Variants in C10orf90 observed in about 807,000 individuals in gnomAD.
C10orf90 encodes the protein chromosome 10 open reading frame 90, also known as (E2-independent) E3 ubiquitin-conjugating enzyme FATS.
A neutral mutation model predicts 62.5 loss-of-function variants in C10orf90; 56 were observed. The observed-to-expected ratio is 0.90, with a 90% CI of 0.72 to 1.12. The LOEUF (loss-of-function observed/expected upper bound fraction) is 1.12. Among genes scored for constraint, C10orf90 ranks in the 50% most tolerant of loss-of-function variants. C10orf90 has a pLI of 0.00. For synonymous variants in C10orf90, 386 were observed against 340.4 expected, an observed-to-expected ratio of 1.13 and a Z score of -1.47; for missense variants, 970 against 880.4, an observed-to-expected ratio of 1.10 and a Z score of -1.29.
intron 2 of C10orf90, among the ~76,000 whole-genome samples, chr10:126,586,345 A>G (rs1844869514): frequency 6.6e-6 from 1 of 152,194 alleles, no homozygotes; most frequent in Admixed American, 6.5e-5. Context: ...CTGGAAACCC[A>G]TGGCTTTAAT....
intron 2 of C10orf90, among the ~76,000 whole-genome samples, chr10:126,523,744 C>A (rs532372182): frequency 6.6e-6 from 1 of 152,190 alleles, no homozygotes; most frequent in South Asian, 2.1e-4. Flanking sequence ...TCCCACCTTC[C>A]CCCAGCCCCT....
At chr10:126,510,401 T>C (rs1863032592) in intron 3 of C10orf90, among the ~76,000 whole-genome samples, 1 of 152,224 alleles carries the variant, frequency 6.6e-6, no homozygotes. Context: ...ACACCAAATA[T>C]CTTCTCAAAT....
chr10:126,480,946 C>A (rs1861131912), intron 4 of C10orf90, among the ~76,000 whole-genome samples: 1 of 152,120 alleles, frequency 6.6e-6, no homozygotes, highest in African/African-American at 2.4e-5. Context: ...AAATCGCAAA[C>A]TCCTCCTGGT....
chr10:126,549,332 C>T (rs1315729772), intron 2 of C10orf90, among the ~76,000 whole-genome samples: 1 of 151,926 alleles, frequency 6.6e-6, no homozygotes, highest in African/African-American at 2.4e-5. Context: ...ACAAACAGCC[C>T]AATTAGAAAA....
intron 2 of C10orf90, among the ~76,000 whole-genome samples, chr10:126,548,768 A>C (rs1222611740): frequency 7.3e-6 from 1 of 137,718 alleles, no homozygotes; most frequent in Non-Finnish European, 1.6e-5. Flanking sequence ...TTTGAGACGG[A>C]GTCTCACTCT....
chr10:126,459,525 C>T (rs1417308545), intron 6 of C10orf90, among the ~76,000 whole-genome samples: 2 of 152,198 alleles, frequency 1.3e-5, no homozygotes, highest in African/African-American at 4.8e-5. Context: ...TTCTACCCTG[C>T]TGAGTCATTT....
intron 2 of C10orf90, among the ~76,000 whole-genome samples, chr10:126,577,367 AT>A (rs1167800109): frequency 1.3e-5 from 2 of 151,970 alleles, no homozygotes; most frequent in Non-Finnish European, 2.9e-5. Context: ...AGGACACAAA[AT>A]TTAATTGTAT....
chr10:126,477,760 A>G (rs971344335), intron 4 of C10orf90, among the ~76,000 whole-genome samples: 8 of 152,208 alleles, frequency 5.3e-5, no homozygotes, highest in African/African-American at 1.9e-4. Context: ...AGTTTTTTAT[A>G]TAGTTGAGTC....
intron 2 of C10orf90, among the ~76,000 whole-genome samples, chr10:126,545,588 T>G (rs1328697544): frequency 6.6e-6 from 1 of 151,030 alleles, no homozygotes; most frequent in East Asian, 1.9e-4. Flanking sequence ...CAACCTCTCA[T>G]AATGTTTAAA....
chr10:126,518,962 G>A (rs141906920), intron 2 of C10orf90, among the ~76,000 whole-genome samples: 49 of 152,308 alleles, frequency 3.2e-4, no homozygotes, highest in African/African-American at 1.1e-3. Flanking sequence ...AGTGCTCAGG[G>A]TGTGTGGGGC....
intron 4 of C10orf90, among the ~76,000 whole-genome samples, chr10:126,490,143 T>C (rs909692626): frequency 7.2e-6 from 1 of 138,346 alleles, no homozygotes; most frequent in African/African-American, 2.7e-5. Context: ...ATATTATATA[T>C]ACATATAATT....
chr10:126,527,305 T>C (rs1245901134), intron 2 of C10orf90, among the ~76,000 whole-genome samples: 1 of 152,244 alleles, frequency 6.6e-6, no homozygotes, highest in Non-Finnish European at 1.5e-5. Flanking sequence ...ATTTCCCTAA[T>C]GGCTAATGAT....
intron 2 of C10orf90, among the ~76,000 whole-genome samples, chr10:126,521,068 A>G (rs995546300): frequency 1.3e-5 from 2 of 152,154 alleles, no homozygotes; most frequent in African/African-American, 4.8e-5. Context: ...GCCAGCCCAC[A>G]CCAGCGCCCC....
At chr10:126,514,219 C>T (rs10510158) in intron 2 of C10orf90, among the ~76,000 whole-genome samples, 1,614 of 152,234 alleles carry the variant, frequency 0.011, 13 homozygotes, top group South Asian at 0.022. Flanking sequence ...ATAATTTTAG[C>T]CCTATCATAT....
intron 2 of C10orf90, among the ~76,000 whole-genome samples, chr10:126,574,683 T>C (rs1844574593): frequency 6.6e-6 from 1 of 152,022 alleles, no homozygotes; most frequent in South Asian, 2.1e-4. Context: ...TCTTAAAAGG[T>C]ATAAAACTAA....
At chr10:126,526,023 A>AACATACAC (rs1863931481) in intron 2 of C10orf90, among the ~76,000 whole-genome samples, 1 of 138,962 alleles carries the variant, frequency 7.2e-6, no homozygotes, top group South Asian at 2.4e-4. Flanking sequence ...CACCTGCCAC[A>AACATACAC]ACACACACAC....
chr10:126,522,538 C>A (rs1370968078), intron 2 of C10orf90, among the ~76,000 whole-genome samples: 4 of 152,202 alleles, frequency 2.6e-5, no homozygotes, highest in Non-Finnish European at 5.9e-5. Flanking sequence ...AAGCCCCTTG[C>A]GTCTGGTCAG....
chr10:126,583,306 A>G (rs1482212853), intron 2 of C10orf90, among the ~76,000 whole-genome samples: 1 of 152,242 alleles, frequency 6.6e-6, no homozygotes. Flanking sequence ...ATAATTTTTT[A>G]TCTGAAACAT....
At chr10:126,569,223 C>T (rs1329856473) in intron 2 of C10orf90, among the ~76,000 whole-genome samples, 1 of 152,134 alleles carries the variant, frequency 6.6e-6, no homozygotes, top group Non-Finnish European at 1.5e-5. Flanking sequence ...AGGAACTGGT[C>T]TATGATTCCT....
Sources: gnomAD v4.1 joint callset for allele counts (sites outside exome capture counted in the v4.1 genomes callset) on GRCh38, gnomAD v4.1.1 for gene constraint, MANE v1.5 for transcripts, NCBI Gene and HGNC (gene_info 2026-07-23, HGNC 2026-07-21) for gene names.